CROT: variants seen among roughly 807,000 people sequenced by gnomAD.
CROT encodes peroxisomal carnitine O-octanoyltransferase.
CROT carries 84 observed loss-of-function variants against 89.2 expected under a neutral mutation model. The observed-to-expected ratio is 0.94, with a 90% CI of 0.79 to 1.13. The LOEUF is 1.13. CROT is among the 50% of genes most tolerant of loss of function. CROT has a pLI of 0.00. For synonymous variants in CROT, 212 were observed against 239.5 expected (o/e 0.89, Z 1.06); for missense variants, 711 against 727.8 (o/e 0.98, Z 0.27).
intron 17 of CROT, among the ~76,000 whole-genome samples, chr7:87,393,325 C>G (rs1343781788): frequency 6.6e-6 from 1 of 152,082 alleles, no homozygotes; most frequent in Non-Finnish European, 1.5e-5. Context: ...ATATCATCAT[C>G]CTCAAAATCA....
intron 2 of CROT, among the ~76,000 whole-genome samples, chr7:87,348,220 A>T (rs1372718382): frequency 6.6e-6 from 1 of 151,734 alleles, no homozygotes; most frequent in Non-Finnish European, 1.5e-5. Context: ...TAATATAATT[A>T]ATATATGATA....
At position 87,353,709 on chromosome 7, in the gene CROT, AAGAG is replaced by A. The variant is rs1403986488; in HGVS notation, c.115+4531_115+4534del. ...TCACATGGTGACAACAAGAGCAAGA[AAGAG>A]AGAGTGACAGTGAGGAAGAGGTGCC... On this transcript the variant is annotated intron_variant, in intron 3 of 17. Coordinates refer to ENST00000331536, the MANE Select transcript of CROT (RefSeq NM_021151.4). Among the ~76,000 whole-genome samples the A allele has an allele frequency of 2.0e-5, 3 of 152,318 alleles. 1 individual carries two copies. The highest frequency in any genetic ancestry group is 7.2e-5 in the African/African-American group (3 of 41,562).
chr7:87,361,185 G>C (rs1425785628), intron 4 of CROT, among the ~76,000 whole-genome samples: 1 of 151,020 alleles, frequency 6.6e-6, no homozygotes, highest in African/African-American at 2.4e-5. Flanking sequence ...CTGGCCTCTA[G>C]GTCCTGGACT....
At position 87,382,087 on chromosome 7, in the gene CROT, T is replaced by C. The variant is rs765205370; in HGVS notation, c.1076T>C (p.Val359Ala). ...CCCTATTTTCAGGGTTCAGAGAAGG[T>C]ACGAGATATACCACTTCCAGAAGAG... ...NEGRWKGSEK[V>A]RDIPLPEELI... Residue 359 changes from valine (V) to alanine (A), a missense_variant, in exon 12 of 18, where the codon GTA becomes GCA. Coordinates refer to ENST00000331536, the MANE Select transcript of CROT (RefSeq NM_021151.4). 13 of 1,612,022 alleles carry C rather than the reference T, an allele frequency of 8.1e-6. No homozygotes were observed. Among genetic ancestry groups the C allele is most frequent in the Non-Finnish European group, 1.1e-5 (13 of 1,178,466 alleles).
At chr7:87,375,574 C>T (rs1368966373) in intron 7 of CROT, 58 bp from the exon 8 acceptor site, 43 of 1,309,526 alleles carry the variant, frequency 3.3e-5, no homozygotes, top group Non-Finnish European at 4.5e-5. Context: ...CTTTTAAAGG[C>T]CAAAGTAGTT....
At chr7:87,363,036 A>G (rs1452391594) in intron 6 of CROT, among the ~76,000 whole-genome samples, 1 of 152,180 alleles carries the variant, frequency 6.6e-6, no homozygotes, top group South Asian at 2.1e-4. Flanking sequence ...AATGAACAAG[A>G]TAAAATTAAT....
At chr7:87,379,353 A>G (rs1317508142) in intron 10 of CROT, among the ~76,000 whole-genome samples, 1 of 152,080 alleles carries the variant, frequency 6.6e-6, no homozygotes, top group Non-Finnish European at 1.5e-5. Flanking sequence ...GCTTTTACCT[A>G]TTATTCTCAT....
chr7:87,376,002 G>T, intron 9 of CROT, 49 bp downstream of exon 9: 3 of 1,500,500 alleles, frequency 2.0e-6, no homozygotes, highest in South Asian at 1.4e-5. Context: ...TTTTCTGGAA[G>T]ACTCATATTT....
intron 13 of CROT, among the ~76,000 whole-genome samples, chr7:87,389,976 T>C (rs1562939272): frequency 6.6e-6 from 1 of 152,140 alleles, no homozygotes; most frequent in Admixed American, 6.6e-5. Context: ...TGATATACCT[T>C]ATAAGTCTTT....
chr7:87,384,822 C>A (rs779065432), intron 13 of CROT, among the ~76,000 whole-genome samples: 2 of 152,116 alleles, frequency 1.3e-5, no homozygotes, highest in African/African-American at 2.4e-5. Flanking sequence ...TCAATGTTTT[C>A]TTTTAGTAGT....
At chr7:87,386,087 C>A (rs1807173997) in intron 13 of CROT, among the ~76,000 whole-genome samples, 3 of 152,060 alleles carry the variant, frequency 2.0e-5, no homozygotes, top group Admixed American at 2.0e-4. Context: ...TTGAGGATTT[C>A]TGCATCTGTG....
chr7:87,398,585 C>G lies in CROT; in HGVS notation c.1780C>G (p.Gln594Glu), dbSNP rs1336530835. ...CGAGACTGATGCGGAAAAGCTAGTT[C>G]AGCTGACTTTTTGTGCTTTTCATGA... ...CPETDAEKLV[Q>E]LTFCAFHDMI... The change falls in exon 18 of 18, where the codon CAG (glutamine) becomes GAG (glutamate). Residue 594 changes from glutamine to glutamate, a missense_variant. Gln to Glu is a conservative substitution (Grantham distance 29). Transcript: ENST00000331536. The G allele has an allele frequency of 6.2e-7, 1 of 1,613,560 alleles. No individual in the cohort carries two copies. Among genetic ancestry groups the G allele is most frequent in the African/African-American group, 1.3e-5 (1 of 74,896 alleles).
intron 3 of CROT, chr7:87,357,481 G>C: frequency 3.2e-6 from 5 of 1,551,700 alleles, no homozygotes; most frequent in Non-Finnish European, 3.5e-6. Context: ...CTCAGCATGG[G>C]ATCTCATCCT....
intron 17 of CROT, among the ~76,000 whole-genome samples, chr7:87,397,311 A>G (rs1473100474): frequency 6.6e-6 from 1 of 151,688 alleles, no homozygotes; most frequent in Non-Finnish European, 1.5e-5. Flanking sequence ...AGATCATGCC[A>G]CTGCACTCCA....
At chr7:87,385,531 T>C (rs1161719025) in intron 13 of CROT, among the ~76,000 whole-genome samples, 10 of 152,234 alleles carry the variant, frequency 6.6e-5, no homozygotes, top group Admixed American at 6.5e-4. Flanking sequence ...GATTTTAATA[T>C]GTTGATTTTA....
intron 4 of CROT, among the ~76,000 whole-genome samples, chr7:87,360,878 A>C (rs1806245059): frequency 6.6e-6 from 1 of 152,200 alleles, no homozygotes; most frequent in Admixed American, 6.5e-5. Flanking sequence ...TAAAACAAAT[A>C]ATACCTAAGA....
chr7:87,358,639 A>G (rs1472742371), intron 3 of CROT, among the ~76,000 whole-genome samples: 2 of 152,124 alleles, frequency 1.3e-5, no homozygotes, highest in Non-Finnish European at 2.9e-5. Flanking sequence ...AGAAAAATAT[A>G]TTTATTATCC....
rs374941422 is a variant in CROT, at chr7:87,382,176, A to G, written c.1165A>G (p.Arg389Gly). 3.2e-5 allele frequency: 51 copies of G among 1,580,720 alleles called. No homozygotes were observed. The Middle Eastern group carries it at 5.0e-4, about 16-fold the overall frequency. ...CAACCAAGCTAAAGCCCAGTATCTC[A>G]GGGAGGTATATTTTTCACTTTTCTC... is the stretch of plus-strand genomic sequence containing the variant. ...DINQAKAQYL[R>G]EASDLQIAAY... is the part of the protein sequence containing the mutation. Residue 389 changes from arginine (R) to glycine (G), a missense_variant, in exon 12 of 18, where the codon AGG (arginine) becomes GGG (glycine). Physicochemically the swap from Arg to Gly is moderately radical, Grantham distance 125. Coordinates refer to ENST00000331536, the MANE Select transcript of CROT (RefSeq NM_021151.4).
intron 17 of CROT, among the ~76,000 whole-genome samples, chr7:87,396,738 A>T (rs1323259855): frequency 2.6e-5 from 4 of 152,086 alleles, no homozygotes; most frequent in African/African-American, 9.7e-5. Context: ...GAACAAAGTT[A>T]TCTACATTTC....
Sources: allele counts gnomAD v4.1 joint callset (sites outside exome capture counted in the v4.1 genomes callset), GRCh38; gene constraint gnomAD v4.1.1; transcripts MANE v1.5; gene names NCBI Gene and HGNC (gene_info 2026-07-23, HGNC 2026-07-21).